The following MAPKAP1 variants were observed in gnomAD, a reference collection of about 807,000 sequenced individuals.
MAPKAP1 encodes MAPK associated protein 1, also known as target of rapamycin complex 2 subunit MAPKAP1.
In MAPKAP1, 20 loss-of-function variants were observed where a neutral mutation model predicts 65.7. The ratio of observed to expected loss-of-function variants is 0.30; its 90% CI spans 0.21 to 0.44. The LOEUF is 0.44. Ranked by LOEUF, MAPKAP1 falls within the 20% of genes least tolerant of loss-of-function variation. The pLI, the probability that MAPKAP1 is intolerant of heterozygous loss-of-function variation, is 1.00. For synonymous variants in MAPKAP1, 222 were observed against 244.3 expected, an observed-to-expected ratio of 0.91 and a Z score of 0.85; for missense variants, 423 against 648.0, an observed-to-expected ratio of 0.65 and a Z score of 3.77.
chr9:125,462,049 C>G (rs112869519), intron 10 of MAPKAP1, among the ~76,000 whole-genome samples: 1,658 of 152,296 alleles, frequency 0.011, 39 homozygotes, highest in African/African-American at 0.037. Context: ...GACAAAATTC[C>G]TGGGTATCTC....
chr9:125,467,972 T>C lies in MAPKAP1; in HGVS notation c.1345A>G (p.Ser449Gly), dbSNP rs546168424. ...GACATAAATAAAAGGGACTACTCACTGGGGCTTTTCTCTTCAGCAAGGTCA... is the reference window on the plus strand; with the variant it reads ...GACATAAATAAAAGGGACTACTCACCGGGGCTTTTCTCTTCAGCAAGGTCA... Reference protein sequence around the residue: ...ACDLAEEKSPSHAIFKLTYLS... With the variant: ...ACDLAEEKSPGHAIFKLTYLS... The change falls in exon 10 of 12, where the codon AGT (serine) becomes GGT (glycine). Residue 449 changes from serine to glycine, a missense_variant and splice_region_variant. Physicochemically the swap from Ser to Gly is moderately conservative, Grantham distance 56. Transcript: ENST00000265960. 74 of 1,614,102 alleles carry C rather than the reference T, an allele frequency of 4.6e-5. No homozygotes were observed. The South Asian group carries it at 7.8e-4, about 17-fold the overall frequency.
intron 4 of MAPKAP1, among the ~76,000 whole-genome samples, chr9:125,592,982 A>AAAAAAAAAG (rs1207147656): frequency 1.3e-5 from 2 of 151,326 alleles, no homozygotes; most frequent in Non-Finnish European, 2.9e-5. Flanking sequence ...TAACTCAAAA[A>AAAAAAAAAG]AAAAAAAAGA....
intron 7 of MAPKAP1, among the ~76,000 whole-genome samples, chr9:125,541,754 G>A (rs1417393852): frequency 1.3e-5 from 2 of 152,318 alleles, no homozygotes; most frequent in African/African-American, 2.4e-5. Flanking sequence ...CTAACGACTT[G>A]TTCATTATGA....
intron 6 of MAPKAP1, among the ~76,000 whole-genome samples, chr9:125,554,499 G>A (rs1465446904): frequency 3.3e-5 from 5 of 152,164 alleles, no homozygotes; most frequent in African/African-American, 9.7e-5. Context: ...TGGGCCAAAC[G>A]TAAAGTAGAG....
intron 4 of MAPKAP1, among the ~76,000 whole-genome samples, chr9:125,598,929 A>G (rs1220668117): frequency 6.6e-6 from 1 of 151,216 alleles, no homozygotes; most frequent in Non-Finnish European, 1.5e-5. Context: ...ACTCCCAGAT[A>G]CTCGAGAGGC....
chr9:125,468,002 C>A lies in MAPKAP1; in HGVS notation c.1315G>T (p.Ala439Ser). The A allele has an allele frequency of 6.2e-6, 10 of 1,614,186 alleles. No homozygotes were observed. Among genetic ancestry groups the A allele is most frequent in the Non-Finnish European group, 8.5e-6 (10 of 1,180,030 alleles). ...CTTTTCTCTTCAGCAAGGTCACAGG[C>A]ACAGAGCAGGTCGGAATCGATTGAG... Reference protein sequence around the residue: ...PISIDSDLLCACDLAEEKSPS... With the variant: ...PISIDSDLLCSCDLAEEKSPS... Residue 439 changes from alanine to serine, a missense_variant, in exon 10 of 12, where the codon GCC becomes TCC. Coordinates refer to ENST00000265960, the MANE Select transcript of MAPKAP1 (RefSeq NM_001006617.3).
chr9:125,650,482 T>G (rs955551745), intron 4 of MAPKAP1: 1 of 152,298 alleles, frequency 6.6e-6, no homozygotes, highest in Non-Finnish European at 1.5e-5. Flanking sequence ...AGACCTTCTG[T>G]TCCTTTCTCC....
At chr9:125,514,682 T>G (rs1367127091) in intron 7 of MAPKAP1, among the ~76,000 whole-genome samples, 1 of 152,214 alleles carries the variant, frequency 6.6e-6, no homozygotes, top group Non-Finnish European at 1.5e-5. Flanking sequence ...GGATTTTCTC[T>G]CATATGCAAC....
intron 4 of MAPKAP1, among the ~76,000 whole-genome samples, chr9:125,605,622 T>TCA (rs1832418985): frequency 2.0e-5 from 3 of 152,310 alleles, no homozygotes; most frequent in Admixed American, 2.0e-4. Flanking sequence ...GAACCCATTG[T>TCA]CACAGGCTCC....
At chr9:125,630,675 T>C (rs1257028295) in intron 4 of MAPKAP1, among the ~76,000 whole-genome samples, 1 of 152,218 alleles carries the variant, frequency 6.6e-6, no homozygotes, top group Non-Finnish European at 1.5e-5. Flanking sequence ...ACCTCTGCTA[T>C]GGTTTGGATG....
At chr9:125,576,236 T>C (rs933866684) in intron 5 of MAPKAP1, among the ~76,000 whole-genome samples, 7 of 152,214 alleles carry the variant, frequency 4.6e-5, no homozygotes, top group African/African-American at 1.4e-4. Flanking sequence ...TTCTGTATGA[T>C]ACAACCATTA....
chr9:125,669,197 T>C (rs1282901077), intron 3 of MAPKAP1, among the ~76,000 whole-genome samples: 1 of 122,760 alleles, frequency 8.1e-6, no homozygotes, highest in Non-Finnish European at 1.7e-5. Flanking sequence ...AAAAAAAAAA[T>C]CGGCTGGGCA....
At chr9:125,649,129 T>C (rs1440021256) in intron 4 of MAPKAP1, among the ~76,000 whole-genome samples, 1 of 152,104 alleles carries the variant, frequency 6.6e-6, no homozygotes, top group Non-Finnish European at 1.5e-5. Flanking sequence ...CAGAGCAAAG[T>C]ACCCCAGGAT....
intron 5 of MAPKAP1, among the ~76,000 whole-genome samples, chr9:125,563,063 T>C (rs770968038): frequency 2.0e-5 from 3 of 152,204 alleles, no homozygotes; most frequent in Non-Finnish European, 4.4e-5. Context: ...CTTTTACAGA[T>C]GGGAAATGGA....
chr9:125,585,933 C>T (rs1042123620), intron 4 of MAPKAP1, among the ~76,000 whole-genome samples: 6 of 152,038 alleles, frequency 3.9e-5, no homozygotes, highest in South Asian at 2.1e-4. Flanking sequence ...ACTAATGGAT[C>T]GGGATCTGCC....
intron 6 of MAPKAP1, among the ~76,000 whole-genome samples, chr9:125,546,151 A>C (rs56228005): frequency 0.027 from 4,113 of 152,244 alleles, 194 homozygotes; most frequent in African/African-American, 0.094. Flanking sequence ...AATGAAAACA[A>C]CAGCGAAGGG....
chr9:125,486,567 G>A (rs764356974), intron 8 of MAPKAP1, among the ~76,000 whole-genome samples: 6 of 152,244 alleles, frequency 3.9e-5, no homozygotes, highest in Non-Finnish European at 5.9e-5. Context: ...TACGGGGCAA[G>A]TATTTTAAGT....
At chr9:125,562,549 A>G (rs1196555806) in intron 5 of MAPKAP1, among the ~76,000 whole-genome samples, 1 of 152,228 alleles carries the variant, frequency 6.6e-6, no homozygotes, top group Non-Finnish European at 1.5e-5. Context: ...CTACACATGG[A>G]CATACTGGTT....
intron 4 of MAPKAP1, among the ~76,000 whole-genome samples, chr9:125,609,856 A>C (rs552617612): frequency 1.5e-4 from 23 of 152,204 alleles, no homozygotes; most frequent in Admixed American, 3.3e-4. Flanking sequence ...GCTACCATTT[A>C]CTCTGTGCCT....
Sources: allele counts gnomAD v4.1 joint callset (sites outside exome capture counted in the v4.1 genomes callset), GRCh38; gene constraint gnomAD v4.1.1; transcripts MANE v1.5; gene names NCBI Gene and HGNC (gene_info 2026-07-23, HGNC 2026-07-21).